SPTBN1: variants seen among roughly 807,000 people sequenced by gnomAD.
SPTBN1 encodes the protein spectrin beta, non-erythrocytic 1, also known as spectrin beta chain, non-erythrocytic 1.
In SPTBN1, 32 loss-of-function variants were observed where a neutral mutation model predicts 266.4. The observed-to-expected ratio is 0.12, with a 90% CI of 0.09 to 0.16. The LOEUF (loss-of-function observed/expected upper bound fraction) is 0.16, where lower values mean the gene tolerates loss of function less well. Ranked by LOEUF, SPTBN1 falls within the 10% of genes least tolerant of loss-of-function variation. SPTBN1 has a pLI of 1.00. For missense variants in SPTBN1, 2,296 were observed against 3,067.1 expected, an observed-to-expected ratio of 0.75 and a Z score of 5.94; for synonymous variants, 1,336 against 1,162.2, an observed-to-expected ratio of 1.15 and a Z score of -3.04.
chr2:54,518,015 G>A (rs933095123), intron 1 of SPTBN1, among the ~76,000 whole-genome samples: 19 of 151,562 alleles, frequency 1.3e-4, no homozygotes, highest in Non-Finnish European at 2.4e-4. Flanking sequence ...TTTTAAAAGT[G>A]AAGGCTACTT....
chr2:54,655,054 GTTTGTCTAATT>G lies in SPTBN1; in HGVS notation c.5823-13_5823-3del. The G allele has an allele frequency of 6.2e-7, 1 of 1,604,158 alleles. No homozygotes were observed. ...AGCTTGATCTCCTAACGGAGGCATC[GTTTGTCTAATT>G]TTAGGGATGTATCATCTGTTGAACT... On this transcript the variant is annotated splice_polypyrimidine_tract_variant and splice_region_variant and intron_variant, in intron 27 of 35. Coordinates refer to ENST00000356805, the MANE Select transcript of SPTBN1 (RefSeq NM_003128.3).
At chr2:54,657,219 C>T (rs1477582388) in intron 29 of SPTBN1, among the ~76,000 whole-genome samples, 2 of 152,234 alleles carry the variant, frequency 1.3e-5, no homozygotes, top group Non-Finnish European at 2.9e-5. Flanking sequence ...CCTTGGTCCC[C>T]ACCATCTGTA....
At chr2:54,562,188 T>A (rs1386809367) in intron 2 of SPTBN1, among the ~76,000 whole-genome samples, 2 of 152,222 alleles carry the variant, frequency 1.3e-5, no homozygotes, top group Non-Finnish European at 2.9e-5. Context: ...GAGAACTGTG[T>A]AGTAACAGAG....
chr2:54,457,889 A>C (rs942844539), intron 1 of SPTBN1, among the ~76,000 whole-genome samples: 1 of 152,254 alleles, frequency 6.6e-6, no homozygotes, highest in African/African-American at 2.4e-5. Flanking sequence ...GGCGCCCTGC[A>C]TCACCAGTGC....
At chr2:54,562,872 A>G (rs1013138504) in intron 2 of SPTBN1, among the ~76,000 whole-genome samples, 1 of 152,002 alleles carries the variant, frequency 6.6e-6, no homozygotes. Flanking sequence ...AATGCTTACC[A>G]TTTTTAAATA....
At chr2:54,644,165 G>C (rs778410948) in intron 19 of SPTBN1, among the ~76,000 whole-genome samples, 158 bp from the exon 20 acceptor site, 1 of 152,096 alleles carries the variant, frequency 6.6e-6, no homozygotes, top group Admixed American at 6.5e-5. Context: ...CCTAGGGGTC[G>C]TTGTTGATTT....
At chr2:54,615,349 GAC>G (rs1558430494) in intron 4 of SPTBN1, among the ~76,000 whole-genome samples, 1 of 152,108 alleles carries the variant, frequency 6.6e-6, no homozygotes, top group East Asian at 1.9e-4. Context: ...GCAATGGATG[GAC>G]TCCTGGCCAG....
At chr2:54,585,291 C>G (rs949158695) in intron 2 of SPTBN1, among the ~76,000 whole-genome samples, 12 of 152,188 alleles carry the variant, frequency 7.9e-5, no homozygotes, top group African/African-American at 2.4e-4. Context: ...ACAGAATACT[C>G]TTGTGTTCTA....
Position 54,661,221 on chromosome 2 carries a change from C to A in SPTBN1, c.6420+1222C>A, listed in dbSNP as rs189778158. 14 of 985,774 alleles carry A rather than the reference C, an allele frequency of 1.4e-5. No homozygotes were observed. The East Asian group carries it at 7.9e-4, about 56-fold the overall frequency. The allele number at this position is 985,774 out of a possible 1,614,324, so 61.1% of individuals were successfully genotyped here. On this transcript the variant is annotated intron_variant, in intron 32 of 35. Transcript: ENST00000356805. ...CACCAGCAGGAATTGAAAATGTTTTCACAAAAATCCTTTTCCTTAGAAATA... is the reference window on the plus strand; with the variant it reads ...CACCAGCAGGAATTGAAAATGTTTTAACAAAAATCCTTTTCCTTAGAAATA...
At chr2:54,543,872 G>A (rs967642903) in intron 2 of SPTBN1, among the ~76,000 whole-genome samples, 1 of 152,182 alleles carries the variant, frequency 6.6e-6, no homozygotes, top group Non-Finnish European at 1.5e-5. Flanking sequence ...GACATGGTCA[G>A]TGTAGAACAA....
chr2:54,645,752 C>T lies in SPTBN1; in HGVS notation c.4495-176C>T, dbSNP rs557752627. Among the ~76,000 whole-genome samples the T allele has an allele frequency of 2.0e-4, 30 of 152,334 alleles. No individual in the cohort carries two copies. Among genetic ancestry groups the T allele is most frequent in the African/African-American group, 7.2e-4 (30 of 41,584 alleles). On this transcript the variant is annotated intron_variant, in intron 21 of 35. Coordinates refer to ENST00000356805, the MANE Select transcript of SPTBN1 (RefSeq NM_003128.3). This position sits in a 1 kb window ranked among gnomAD's most constrained non-coding sequence, Gnocchi z 4.3. The stretch of plus-strand genomic sequence containing the variant: ...TGAGGATGAGGTAGAGTTGGAAAGA[C>T]TCTCCCTAGCCCTGTCTCGGAGAAC...
intron 2 of SPTBN1, among the ~76,000 whole-genome samples, chr2:54,578,599 C>T (rs915750196): frequency 1.3e-5 from 2 of 152,152 alleles, no homozygotes; most frequent in African/African-American, 4.8e-5. Flanking sequence ...TTCAGCCTTA[C>T]TTGTATCCTA....
intron 1 of SPTBN1, among the ~76,000 whole-genome samples, chr2:54,496,727 C>T (rs73932781): frequency 0.015 from 2,252 of 152,154 alleles, 57 homozygotes; most frequent in African/African-American, 0.052. Context: ...ACTTTGGAGA[C>T]CTGCAGTGAT....
intron 27 of SPTBN1, among the ~76,000 whole-genome samples, 153 bp from the exon 28 acceptor site, chr2:54,654,916 GC>G (rs1225274394): frequency 6.6e-6 from 1 of 152,214 alleles, no homozygotes; most frequent in Non-Finnish European, 1.5e-5. Flanking sequence ...GGCTCCAGTG[GC>G]CCAGCCTAAG....
chr2:54,626,099 G>A lies in SPTBN1; in HGVS notation c.1509G>A (p.Lys503=). 1.2e-6 allele frequency: 2 copies of A among 1,614,162 alleles called. No homozygotes were observed. Among genetic ancestry groups the A allele is most frequent in the Non-Finnish European group, 1.7e-6 (2 of 1,180,022 alleles). The part of the protein sequence containing the change: ...YHDIKRITAR[K]DNVIRLWEYL... ...ACATCAAGCGCATCACAGCGAGGAA[G>A]GACAATGTCATCCGGCTCTGGGAAT... The change falls in exon 12 of 36, where the codon AAG becomes AAA. Residue 503 remains lysine (K), a synonymous_variant. Coordinates refer to ENST00000356805, the MANE Select transcript of SPTBN1 (RefSeq NM_003128.3). The surrounding 1 kb of genome is among the most constrained non-coding windows in gnomAD (Gnocchi z 4.7).
chr2:54,597,529 T>A (rs2103670467), intron 2 of SPTBN1, among the ~76,000 whole-genome samples: 1 of 152,304 alleles, frequency 6.6e-6, no homozygotes, highest in African/African-American at 2.4e-5. Context: ...AGGTCCTTTT[T>A]GGGAAAGGCA....
Position 54,560,190 on chromosome 2 carries a change from G to C in SPTBN1, c.148+33624G>C, listed in dbSNP as rs1302295166. Among the ~76,000 whole-genome samples, 13 of 145,826 alleles carry C rather than the reference G, an allele frequency of 8.9e-5. No individual in the cohort carries two copies. In the East Asian group the frequency reaches 2.3e-3, roughly 25 times the overall value. Reference sequence around the variant, plus strand: ...GTAGTAAATAGAGGAGTTGGGGTGGGGGGGGGCGTTCATTATCTAGGTTTG... The same window carrying C: ...GTAGTAAATAGAGGAGTTGGGGTGGCGGGGGGCGTTCATTATCTAGGTTTG... On this transcript the variant is annotated intron_variant, in intron 2 of 35. Coordinates refer to ENST00000356805, the MANE Select transcript of SPTBN1 (RefSeq NM_003128.3).
chr2:54,660,152 A>T, intron 32 of SPTBN1, 153 bp downstream of exon 32: 1 of 1,539,544 alleles, frequency 6.5e-7, no homozygotes, highest in Middle Eastern at 1.7e-4. Context: ...TTTGGCTTCC[A>T]CTTCACCCAA....
intron 1 of SPTBN1, among the ~76,000 whole-genome samples, chr2:54,494,381 A>G (rs1254857065): frequency 1.3e-5 from 2 of 152,298 alleles, no homozygotes; most frequent in East Asian, 3.9e-4. Flanking sequence ...ATTCCGAGGT[A>G]TTTAACTAGA....
Sources: gnomAD v4.1 joint callset for allele counts (sites outside exome capture counted in the v4.1 genomes callset) on GRCh38, gnomAD v4.1.1 for gene constraint, Gnocchi (gnomAD v3.1) non-coding constraint, MANE v1.5 for transcripts, NCBI Gene and HGNC (gene_info 2026-07-23, HGNC 2026-07-21) for gene names.